SEL1L2: variants seen among roughly 807,000 people sequenced by gnomAD.
SEL1L2 encodes SEL1L2 adaptor subunit of SYVN1 ubiquitin ligase.
Under a neutral mutation model 98.8 loss-of-function variants are expected in SEL1L2, and 89 were observed. That is an observed-to-expected ratio of 0.90 (90% CI 0.76 to 1.07). The LOEUF is 1.07. Ranked by LOEUF, SEL1L2 falls within the 50% of genes least tolerant of loss-of-function variation. The pLI is 0.00. For missense variants in SEL1L2, 788 were observed against 812.0 expected, an observed-to-expected ratio of 0.97 and a Z score of 0.36; for synonymous variants, 262 against 278.5, an observed-to-expected ratio of 0.94 and a Z score of 0.59.
intron 17 of SEL1L2, among the ~76,000 whole-genome samples, chr20:13,863,347 C>A (rs935397535): frequency 6.6e-6 from 1 of 152,158 alleles, no homozygotes; most frequent in African/African-American, 2.4e-5. Flanking sequence ...GGGAATTCAG[C>A]TCCACCCTAA....
At chr20:13,915,228 T>A (rs1427883837) in intron 4 of SEL1L2, 14 of 1,289,084 alleles carry the variant, frequency 1.1e-5, no homozygotes, top group Admixed American at 2.3e-5. Flanking sequence ...AACATCCAGG[T>A]AGGCATTAGA....
intron 18 of SEL1L2, among the ~76,000 whole-genome samples, chr20:13,854,464 G>T (rs1022160348): frequency 6.6e-6 from 1 of 152,150 alleles, no homozygotes; most frequent in Non-Finnish European, 1.5e-5. Flanking sequence ...TAGCTGGTAG[G>T]TATGTTAAAG....
intron 2 of SEL1L2, among the ~76,000 whole-genome samples, chr20:13,953,994 ACTC>A (rs933057236): frequency 4.6e-5 from 7 of 152,096 alleles, no homozygotes; most frequent in Non-Finnish European, 8.8e-5. Flanking sequence ...AGCACACAGA[ACTC>A]CTGAAAAAAT....
intron 4 of SEL1L2, among the ~76,000 whole-genome samples, chr20:13,918,249 G>A (rs546557378): frequency 2.0e-5 from 3 of 152,212 alleles, no homozygotes; most frequent in South Asian, 2.1e-4. Context: ...TGCATTATCC[G>A]GGTCACAGAG....
At chr20:13,851,077 A>G (rs188139054) in intron 18 of SEL1L2, among the ~76,000 whole-genome samples, 2 of 152,214 alleles carry the variant, frequency 1.3e-5, no homozygotes, top group Admixed American at 1.3e-4. Context: ...TCCCTACTAA[A>G]AATGCAAAAA....
intron 17 of SEL1L2, among the ~76,000 whole-genome samples, chr20:13,860,194 T>C (rs1367489312): frequency 6.6e-6 from 1 of 152,172 alleles, no homozygotes; most frequent in Non-Finnish European, 1.5e-5. Context: ...CTCTGGCATC[T>C]TCTATGAACA....
chr20:13,868,082 T>C (rs562255103), intron 14 of SEL1L2, among the ~76,000 whole-genome samples: 1 of 152,242 alleles, frequency 6.6e-6, no homozygotes, highest in South Asian at 2.1e-4. Context: ...CAAACTTTCA[T>C]GGCTTTCTAA....
chr20:13,913,298 T>G (rs1157300162), intron 5 of SEL1L2, among the ~76,000 whole-genome samples: 1 of 152,194 alleles, frequency 6.6e-6, no homozygotes, highest in Non-Finnish European at 1.5e-5. Context: ...TAGGATGATG[T>G]AAAAAGAGAA....
At chr20:13,859,550 C>A (rs1989748375) in intron 17 of SEL1L2, 116 bp from the exon 18 acceptor site, 1 of 907,640 alleles carries the variant, frequency 1.1e-6, no homozygotes, top group Non-Finnish European at 1.6e-6. Context: ...TATCTATAGC[C>A]AAGTATAAAA....
intron 5 of SEL1L2, among the ~76,000 whole-genome samples, chr20:13,910,940 T>G (rs2048181623): frequency 6.6e-6 from 1 of 152,282 alleles, no homozygotes; most frequent in African/African-American, 2.4e-5. Context: ...AAAATTCATG[T>G]GTTTTAGGAA....
At chr20:13,974,068 TTCTA>T (rs2051411189) in intron 1 of SEL1L2, among the ~76,000 whole-genome samples, 3 of 152,144 alleles carry the variant, frequency 2.0e-5, no homozygotes, top group African/African-American at 7.2e-5. Context: ...GAGTATTGGA[TTCTA>T]TCTTCTTTGT....
chr20:13,879,158 A>G (rs1035048515), intron 10 of SEL1L2, among the ~76,000 whole-genome samples: 1 of 152,184 alleles, frequency 6.6e-6, no homozygotes, highest in Non-Finnish European at 1.5e-5. Flanking sequence ...GATGGTGACA[A>G]GTCACCAGTA....
chr20:13,865,628 G>T (rs1457024710), intron 15 of SEL1L2, 114 bp from the exon 16 acceptor site: 5 of 860,894 alleles, frequency 5.8e-6, no homozygotes, highest in Non-Finnish European at 8.9e-6. Flanking sequence ...AAGGATTTTA[G>T]GTCTAAAACA....
At chr20:13,887,126 A>G (rs2046994116) in intron 8 of SEL1L2, among the ~76,000 whole-genome samples, 2 of 152,246 alleles carry the variant, frequency 1.3e-5, no homozygotes, top group Admixed American at 1.3e-4. Flanking sequence ...TAGTCTGAAA[A>G]TAAATATAAA....
At chr20:13,906,556 T>G (rs191781204) in intron 5 of SEL1L2, among the ~76,000 whole-genome samples, 1 of 152,282 alleles carries the variant, frequency 6.6e-6, no homozygotes, top group East Asian at 1.9e-4. Flanking sequence ...GAAGAAATGC[T>G]CAATGCAGGT....
In SEL1L2 at chr20:13,933,428, C is replaced by T. The variant is rs1600811042; in HGVS notation, c.115-1657G>A. Among the ~76,000 whole-genome samples the T allele has an allele frequency of 2.1e-5, 3 of 145,264 alleles. No homozygotes were observed. In the East Asian group the frequency reaches 5.9e-4, roughly 29 times the overall value. ...CTATCACCTTCCCTGTACTCCCATC[C>T]TCCCTACCCCAGCCCTAAGCAACCA... On this transcript the variant is annotated intron_variant, in intron 2 of 19. Coordinates refer to ENST00000284951, the MANE Select transcript of SEL1L2 (RefSeq NM_025229.2).
At chr20:13,950,664 T>C (rs928593221) in intron 2 of SEL1L2, among the ~76,000 whole-genome samples, 1 of 152,178 alleles carries the variant, frequency 6.6e-6, no homozygotes, top group Non-Finnish European at 1.5e-5. Context: ...AAGATGTAAG[T>C]AATGAAACTG....
At chr20:13,860,165 T>A (rs1355977894) in intron 17 of SEL1L2, among the ~76,000 whole-genome samples, 1 of 152,208 alleles carries the variant, frequency 6.6e-6, no homozygotes, top group African/African-American at 2.4e-5. Flanking sequence ...AGATCAATCC[T>A]GTCCGCCATT....
At chr20:13,958,609 A>G (rs917507256) in intron 1 of SEL1L2, among the ~76,000 whole-genome samples, 4 of 152,174 alleles carry the variant, frequency 2.6e-5, no homozygotes, top group African/African-American at 9.7e-5. Flanking sequence ...AGGAACTGCT[A>G]ACGAACGCAC....
Sources: allele counts gnomAD v4.1 joint callset (sites outside exome capture counted in the v4.1 genomes callset), GRCh38; gene constraint gnomAD v4.1.1; transcripts MANE v1.5; gene names NCBI Gene and HGNC (gene_info 2026-07-23, HGNC 2026-07-21).